The following TGFBR3 variants were observed in gnomAD, a reference collection of about 807,000 sequenced individuals.
TGFBR3 encodes the protein transforming growth factor beta receptor type 3.
Under a neutral mutation model 87.9 loss-of-function variants are expected in TGFBR3, and 46 were observed. That is an observed-to-expected ratio of 0.52 (90% confidence interval 0.41 to 0.67). The LOEUF is 0.67. Among genes scored for constraint, TGFBR3 ranks in the 30% least tolerant of loss-of-function variants. The pLI, the probability that TGFBR3 is intolerant of heterozygous loss-of-function variation, is 0.00. For synonymous variants in TGFBR3, 381 were observed against 391.6 expected (o/e 0.97, Z 0.32); for missense variants, 866 against 1,041.9 (o/e 0.83, Z 2.32).
At chr1:91,838,749 G>A (rs944958947) in intron 2 of TGFBR3, among the ~76,000 whole-genome samples, 9 of 151,908 alleles carry the variant, frequency 5.9e-5, no homozygotes, top group Non-Finnish European at 8.8e-5. Context: ...GATTACAGGC[G>A]TGAGCCACCG....
intron 3 of TGFBR3, among the ~76,000 whole-genome samples, chr1:91,781,180 C>T (rs953165101): frequency 2.0e-5 from 3 of 152,128 alleles, no homozygotes; most frequent in Non-Finnish European, 4.4e-5. Context: ...AGTTTGTTGC[C>T]ACATGTAATA....
intron 2 of TGFBR3, among the ~76,000 whole-genome samples, chr1:91,816,098 T>C (rs1210008362): frequency 6.6e-6 from 1 of 152,202 alleles, no homozygotes; most frequent in East Asian, 1.9e-4. Context: ...CAAATCCTAA[T>C]TCTAAATGTG....
chr1:91,773,796 A>C (rs369366207), intron 3 of TGFBR3, among the ~76,000 whole-genome samples: 5 of 152,244 alleles, frequency 3.3e-5, no homozygotes, highest in South Asian at 2.1e-4. Context: ...CTCAATTAAA[A>C]GGAACAATTT....
intron 2 of TGFBR3, among the ~76,000 whole-genome samples, chr1:91,850,519 G>A (rs1019698383): frequency 2.6e-5 from 4 of 152,156 alleles, no homozygotes; most frequent in Admixed American, 2.0e-4. Context: ...GGTGGCTCAC[G>A]CCTGTAATCC....
intron 4 of TGFBR3, among the ~76,000 whole-genome samples, chr1:91,743,837 T>C (rs1673239529): frequency 6.6e-6 from 1 of 152,234 alleles, no homozygotes; most frequent in Non-Finnish European, 1.5e-5. Context: ...GCCAGGGGGT[T>C]AGCGAAGGCA....
At position 91,720,134 on chromosome 1, in the gene TGFBR3, A is replaced by C. The variant is rs752583624; in HGVS notation, c.1172T>G (p.Ile391Ser). The C allele has an allele frequency of 1.2e-6, 2 of 1,614,052 alleles. No individual in the cohort carries two copies. Among genetic ancestry groups the C allele is most frequent in the East Asian group, 4.5e-5 (2 of 44,846 alleles). Residue 391 changes from isoleucine (I) to serine (S), a missense_variant, in exon 9 of 17, where the codon ATC becomes AGC. By Grantham distance (142) the Ile-to-Ser change is moderately radical (BLOSUM62 -2). Coordinates refer to ENST00000212355, the MANE Select transcript of TGFBR3 (RefSeq NM_003243.5). ...GALPALQNPP[I>S]RGGEGQNGGL... ...TCCATTTTGGCCTTCCCCTCCCCGG[A>C]TGGGCGGGTTCTGCAGGGCAGGCAG...
chr1:91,903,699 G>C (rs1444019734), intron 1 of TGFBR3, among the ~76,000 whole-genome samples: 1 of 152,020 alleles, frequency 6.6e-6, no homozygotes, highest in Non-Finnish European at 1.5e-5. Context: ...CTAAAAAAAA[G>C]AGTTTTGAAA....
At chr1:91,701,415 T>C (rs1041861533) in intron 14 of TGFBR3, among the ~76,000 whole-genome samples, 7 of 151,838 alleles carry the variant, frequency 4.6e-5, no homozygotes, top group Non-Finnish European at 1.0e-4. Flanking sequence ...AGGAAAAGAG[T>C]GGACTCAACA....
At chr1:91,812,293 C>A (rs1202301810) in intron 2 of TGFBR3, among the ~76,000 whole-genome samples, 2 of 152,182 alleles carry the variant, frequency 1.3e-5, no homozygotes, top group African/African-American at 4.8e-5. Flanking sequence ...TTCCGCCACA[C>A]AATAAATGCC....
chr1:91,686,179 C>G (rs997171253), intron 16 of TGFBR3, among the ~76,000 whole-genome samples: 1 of 152,200 alleles, frequency 6.6e-6, no homozygotes, highest in Non-Finnish European at 1.5e-5. Flanking sequence ...AGTGCCAGGA[C>G]TATGCCCTGC....
intron 4 of TGFBR3, among the ~76,000 whole-genome samples, chr1:91,748,663 T>A (rs1351313183): frequency 6.6e-6 from 1 of 152,156 alleles, no homozygotes; most frequent in Non-Finnish European, 1.5e-5. Context: ...ATCATAGTCA[T>A]GCCCTCGAGT....
intron 1 of TGFBR3, among the ~76,000 whole-genome samples, chr1:91,883,982 T>C (rs1318190234): frequency 1.3e-5 from 2 of 152,102 alleles, no homozygotes; most frequent in East Asian, 3.8e-4. Flanking sequence ...AGCCAAGTAA[T>C]GGTGATCAAC....
At chr1:91,737,697 C>T (rs1221659117) in intron 4 of TGFBR3, among the ~76,000 whole-genome samples, 2 of 152,198 alleles carry the variant, frequency 1.3e-5, no homozygotes, top group Admixed American at 1.3e-4. Flanking sequence ...AAGGTGTCAT[C>T]TGACCTCAAT....
At chr1:91,734,340 ACAAACTGACACAGGCTT>A (rs948725294) in intron 5 of TGFBR3, among the ~76,000 whole-genome samples, 8 of 152,330 alleles carry the variant, frequency 5.3e-5, no homozygotes, top group African/African-American at 1.9e-4. Context: ...TCTCAGCACC[ACAAACTGACACAGGCTT>A]CAAACGTTTG....
intron 1 of TGFBR3, among the ~76,000 whole-genome samples, chr1:91,873,504 C>G (rs112406482): frequency 2.1e-4 from 32 of 151,712 alleles, no homozygotes; most frequent in African/African-American, 7.0e-4. Context: ...CCAGGCTGCT[C>G]TCAAACTCCT....
intron 2 of TGFBR3, among the ~76,000 whole-genome samples, chr1:91,830,473 C>T (rs550347018): frequency 4.1e-4 from 62 of 152,254 alleles, no homozygotes; most frequent in Non-Finnish European, 6.8e-4. Flanking sequence ...GCCCAGTTGC[C>T]ACAGTGACTG....
intron 2 of TGFBR3, chr1:91,830,196 C>T (rs934463470): frequency 1.3e-5 from 2 of 152,266 alleles, no homozygotes; most frequent in Admixed American, 1.3e-4. Context: ...ACTGCCAATA[C>T]TAGTACCATG....
chr1:91,734,911 T>C lies in TGFBR3; in HGVS notation c.433A>G (p.Thr145Ala), dbSNP rs1450629371. The change falls in exon 5 of 17, where the codon ACA becomes GCA. Residue 145 changes from threonine to alanine, a missense_variant. By Grantham distance (58) the Thr-to-Ala change is moderately conservative. Transcript: ENST00000212355. ...AAGTTCCTTTCTTCTGTTTCTGCTG[T>C]CAAGGAGAAGTTTGCTGATGAAAAC... ...VQFSSANFSL[T>A]AETEERNFPH... is the part of the protein sequence containing the mutation. 7 of 1,614,104 alleles carry C rather than the reference T, an allele frequency of 4.3e-6. No homozygotes were observed. Among genetic ancestry groups the C allele is most frequent in the Non-Finnish European group, 5.9e-6 (7 of 1,180,024 alleles).
At chr1:91,746,384 T>C (rs1278647850) in intron 4 of TGFBR3, among the ~76,000 whole-genome samples, 1 of 152,214 alleles carries the variant, frequency 6.6e-6, no homozygotes, top group East Asian at 1.9e-4. Context: ...CACACAGGAA[T>C]CCTGTCCAGC....
Sources: allele counts gnomAD v4.1 joint callset (sites outside exome capture counted in the v4.1 genomes callset), GRCh38; gene constraint gnomAD v4.1.1; transcripts MANE v1.5; gene names NCBI Gene and HGNC (gene_info 2026-07-23, HGNC 2026-07-21).